NSMCE2: variants seen among roughly 807,000 people sequenced by gnomAD.
NSMCE2 encodes the protein NSE2 SUMO ligase component of SMC5/6 complex.
In NSMCE2, 24 loss-of-function variants were observed where a neutral mutation model predicts 23.8. The ratio of observed to expected loss-of-function variants is 1.01; its 90% CI spans 0.73 to 1.42. NSMCE2 has a LOEUF of 1.42. Ranked by LOEUF, NSMCE2 falls within the 40% of genes most tolerant of loss-of-function variation. The pLI is 0.00. For missense variants in NSMCE2, 284 were observed against 296.5 expected (o/e 0.96, Z 0.31); for synonymous variants, 92 against 94.1 (o/e 0.98, Z 0.13).
At chr8:125,196,395 G>A (rs768108775) in intron 5 of NSMCE2, among the ~76,000 whole-genome samples, 6 of 151,922 alleles carry the variant, frequency 3.9e-5, no homozygotes, top group Middle Eastern at 3.4e-3. Context: ...GATGTTCCCC[G>A]CCCTGTGTCC....
chr8:125,229,332 T>A (rs928726638), intron 5 of NSMCE2, among the ~76,000 whole-genome samples: 1 of 152,066 alleles, frequency 6.6e-6, no homozygotes, highest in Non-Finnish European at 1.5e-5. Flanking sequence ...TAGTCTCAAC[T>A]TTTTTTTAAA....
chr8:125,146,814 T>A (rs1820701538), intron 3 of NSMCE2, among the ~76,000 whole-genome samples: 1 of 151,916 alleles, frequency 6.6e-6, no homozygotes, highest in South Asian at 2.1e-4. Context: ...AGTTAATGGG[T>A]GCAGCACACC....
chr8:125,219,704 T>C (rs1361200876), intron 5 of NSMCE2, among the ~76,000 whole-genome samples: 1 of 152,230 alleles, frequency 6.6e-6, no homozygotes, highest in Non-Finnish European at 1.5e-5. Flanking sequence ...CTCCCGTGGT[T>C]ATAAGACTTA....
intron 3 of NSMCE2, among the ~76,000 whole-genome samples, chr8:125,144,157 C>T (rs1246934338): frequency 1.3e-5 from 2 of 152,128 alleles, no homozygotes; most frequent in African/African-American, 4.8e-5. Flanking sequence ...TACTACCGGA[C>T]CTGTTTCATC....
chr8:125,359,454 C>T (rs969981219), intron 7 of NSMCE2, among the ~76,000 whole-genome samples: 11 of 151,436 alleles, frequency 7.3e-5, no homozygotes, highest in Non-Finnish European at 1.5e-4. Context: ...CTGCCTCAGC[C>T]TCCTGAATAG....
chr8:125,137,670 C>T (rs575691084), intron 3 of NSMCE2, among the ~76,000 whole-genome samples: 16 of 152,240 alleles, frequency 1.1e-4, no homozygotes, highest in African/African-American at 3.9e-4. Context: ...AGTCTTATGA[C>T]ATAGAAATGT....
intron 3 of NSMCE2, among the ~76,000 whole-genome samples, chr8:125,114,004 A>C (rs1818882333): frequency 6.6e-6 from 1 of 152,200 alleles, no homozygotes; most frequent in East Asian, 1.9e-4. Flanking sequence ...GATTAAATCT[A>C]ATTAGATTTA....
At chr8:125,246,530 C>A in intron 5 of NSMCE2, among the ~76,000 whole-genome samples, 1 of 152,134 alleles carries the variant, frequency 6.6e-6, no homozygotes. Context: ...TGGCTAACAA[C>A]TATAAATGAC....
chr8:125,129,114 A>G (rs1263783826), intron 3 of NSMCE2, among the ~76,000 whole-genome samples: 1 of 152,186 alleles, frequency 6.6e-6, no homozygotes, highest in African/African-American at 2.4e-5. Context: ...TAGATATGAC[A>G]AAAGCCTATA....
intron 5 of NSMCE2, among the ~76,000 whole-genome samples, chr8:125,311,015 C>G (rs1033291535): frequency 6.6e-5 from 10 of 152,224 alleles, no homozygotes; most frequent in Admixed American, 1.3e-4. Context: ...ATTACTCCAA[C>G]TGAAACCGAA....
At chr8:125,232,633 C>A (rs1269924945) in intron 5 of NSMCE2, among the ~76,000 whole-genome samples, 2 of 151,812 alleles carry the variant, frequency 1.3e-5, no homozygotes, top group African/African-American at 4.8e-5. Flanking sequence ...TAAAGTAGGC[C>A]CAGTAGAATG....
intron 5 of NSMCE2, among the ~76,000 whole-genome samples, chr8:125,259,874 A>T (rs1405641258): frequency 2.0e-5 from 3 of 152,202 alleles, no homozygotes; most frequent in Non-Finnish European, 4.4e-5. Flanking sequence ...AATAGAAATC[A>T]GATCTTCTGA....
intron 3 of NSMCE2, chr8:125,130,098 C>CTTT: frequency 3.2e-6 from 1 of 315,128 alleles, no homozygotes; most frequent in Non-Finnish European, 6.4e-6. Flanking sequence ...GTTGGTTTCG[C>CTTT]TTTTTTTTTT....
At chr8:125,303,696 G>A (rs1828650727) in intron 5 of NSMCE2, among the ~76,000 whole-genome samples, 1 of 152,086 alleles carries the variant, frequency 6.6e-6, no homozygotes. Flanking sequence ...CAACAAAAAT[G>A]GAGAGTAAAA....
At chr8:125,319,981 G>T (rs1053373055) in intron 5 of NSMCE2, among the ~76,000 whole-genome samples, 1 of 152,020 alleles carries the variant, frequency 6.6e-6, no homozygotes, top group Non-Finnish European at 1.5e-5. Flanking sequence ...TTCCAGACCA[G>T]CCTGACCAAC....
chr8:125,223,192 C>G (rs575309990), intron 5 of NSMCE2, among the ~76,000 whole-genome samples: 21 of 151,768 alleles, frequency 1.4e-4, no homozygotes, highest in African/African-American at 5.1e-4. Context: ...CCCATCTGTA[C>G]AAAAAATACA....
chr8:125,143,167 G>A (rs560135303), intron 3 of NSMCE2, among the ~76,000 whole-genome samples: 13 of 152,138 alleles, frequency 8.5e-5, no homozygotes, highest in Non-Finnish European at 1.9e-4. Flanking sequence ...GATAGTTGGA[G>A]CTATAGTTTC....
At chr8:125,105,226 C>T (rs572486171) in intron 3 of NSMCE2, among the ~76,000 whole-genome samples, 5 of 152,320 alleles carry the variant, frequency 3.3e-5, no homozygotes, top group African/African-American at 9.6e-5. Context: ...TTACGGCTAA[C>T]AGCAGGTGTC....
intron 5 of NSMCE2, among the ~76,000 whole-genome samples, chr8:125,213,057 A>G (rs936338173): frequency 2.0e-5 from 3 of 152,168 alleles, no homozygotes; most frequent in East Asian, 3.9e-4. Flanking sequence ...ATTGGCTACC[A>G]TTTAATTCTC....
Sources: allele counts gnomAD v4.1 joint callset (sites outside exome capture counted in the v4.1 genomes callset), GRCh38; gene constraint gnomAD v4.1.1; transcripts MANE v1.5; gene names NCBI Gene and HGNC (gene_info 2026-07-23, HGNC 2026-07-21).